Variants in USP49 observed in about 807,000 individuals in gnomAD.
USP49 encodes ubiquitin specific peptidase 49.
A neutral mutation model predicts 58.6 loss-of-function variants in USP49; 24 were observed. The observed-to-expected ratio is 0.41, with a 90% CI of 0.30 to 0.58. The LOEUF (loss-of-function observed/expected upper bound fraction) is 0.58, where lower values mean the gene tolerates loss of function less well. Ranked by LOEUF, USP49 falls within the 20% of genes least tolerant of loss-of-function variation. The pLI is 0.30. For synonymous variants in USP49, 408 were observed against 365.1 expected, an observed-to-expected ratio of 1.12 and a Z score of -1.34; for missense variants, 703 against 866.1, an observed-to-expected ratio of 0.81 and a Z score of 2.36.
intron 3 of USP49, among the ~76,000 whole-genome samples, chr6:41,844,651 T>C (rs1773889916): frequency 6.6e-6 from 1 of 152,148 alleles, no homozygotes; most frequent in Non-Finnish European, 1.5e-5. Context: ...AGACTTGCGT[T>C]ATCCATCATG....
Position 41,798,727 on chromosome 6 carries a change from C to T in USP49, c.1873G>A (p.Gly625Arg). The T allele has an allele frequency of 6.2e-7, 1 of 1,614,056 alleles. No homozygotes were observed. Among genetic ancestry groups the T allele is most frequent in the Non-Finnish European group, 8.5e-7 (1 of 1,180,014 alleles). Residue 625 changes from glycine to arginine, a missense_variant, in exon 7 of 8, where the codon GGA becomes AGA. This residue lies in a region of USP49 where 158 missense variants were observed against 241.2 expected (regional missense o/e 0.66). Transcript: ENST00000682992. ...CCACAGAGTAAAGCGCACGCACCTC[C>T]CTCTGTGTTGTAGCAATAGGCTGTG... Reference protein sequence around the residue: ...HYTAYCYNTEGGFWVHCNDSK... With the variant: ...HYTAYCYNTERGFWVHCNDSK...
At chr6:41,835,039 T>A (rs1773701958) in intron 3 of USP49, among the ~76,000 whole-genome samples, 2 of 152,176 alleles carry the variant, frequency 1.3e-5, no homozygotes, top group African/African-American at 2.4e-5. Context: ...CTTAAGGAGA[T>A]GAATCACTCT....
chr6:41,865,727 C>T (rs1372573284), intron 3 of USP49, among the ~76,000 whole-genome samples: 3 of 151,530 alleles, frequency 2.0e-5, no homozygotes, highest in African/African-American at 7.3e-5. Context: ...TAACCTCGAA[C>T]TCCTGAGCTC....
intron 3 of USP49, among the ~76,000 whole-genome samples, chr6:41,853,496 G>A (rs1313437933): frequency 6.6e-6 from 1 of 152,136 alleles, no homozygotes; most frequent in African/African-American, 2.4e-5. Context: ...CTAGTGAACT[G>A]TACTCTTGAA....
intron 3 of USP49, among the ~76,000 whole-genome samples, chr6:41,814,374 A>G (rs1460308645): frequency 6.6e-6 from 1 of 152,220 alleles, no homozygotes; most frequent in Non-Finnish European, 1.5e-5. Context: ...AAAGATAATT[A>G]AATCTTTTCA....
rs1772888661 is a variant in USP49, at chr6:41,796,460, C to G, written c.*73G>C. 1 of 674,808 alleles carries G rather than the reference C, an allele frequency of 1.5e-6. No individual in the cohort carries two copies. Among genetic ancestry groups the G allele is most frequent in the Non-Finnish European group, 2.7e-6 (1 of 363,892 alleles). The allele number at this position is 674,808 out of a possible 1,614,324, so 41.8% of individuals were successfully genotyped here. On this transcript the variant is annotated 3_prime_UTR_variant, in exon 8 of 8. Coordinates refer to ENST00000682992, the MANE Select transcript of USP49 (RefSeq NM_001286554.2). Reference sequence around the variant, plus strand: ...ACCTAGTAATCTGTTCCTGCAGTAGCCTTATTTCCTATAAGAGGAAAGATG... The same window carrying G: ...ACCTAGTAATCTGTTCCTGCAGTAGGCTTATTTCCTATAAGAGGAAAGATG...
At chr6:41,877,607 G>T in intron 2 of USP49, among the ~76,000 whole-genome samples, 1 of 150,460 alleles carries the variant, frequency 6.6e-6, no homozygotes, top group Non-Finnish European at 1.5e-5. Context: ...CTGTTGCCCA[G>T]GCTAGAGGGT....
At chr6:41,875,971 C>A (rs192641926) in intron 2 of USP49, among the ~76,000 whole-genome samples, 5 of 152,230 alleles carry the variant, frequency 3.3e-5, no homozygotes, top group African/African-American at 9.6e-5. Flanking sequence ...ACCTTGTGAT[C>A]CACCTGCCTC....
intron 3 of USP49, among the ~76,000 whole-genome samples, chr6:41,812,513 G>A (rs1190427749): frequency 6.6e-6 from 1 of 151,678 alleles, no homozygotes; most frequent in Non-Finnish European, 1.5e-5. Context: ...ATAACACGGT[G>A]AAACCCCGTC....
intron 3 of USP49, among the ~76,000 whole-genome samples, chr6:41,846,897 A>G (rs532765296): frequency 1.2e-4 from 19 of 152,334 alleles, no homozygotes; most frequent in Admixed American, 1.2e-3. Flanking sequence ...TACTGACTGG[A>G]CAGGTTCCAG....
chr6:41,859,944 G>A (rs1197115195), intron 3 of USP49, among the ~76,000 whole-genome samples: 1 of 152,128 alleles, frequency 6.6e-6, no homozygotes, highest in Non-Finnish European at 1.5e-5. Flanking sequence ...GTATATCCTA[G>A]AATACTTAAT....
At chr6:41,817,455 T>C (rs1483034707) in intron 3 of USP49, among the ~76,000 whole-genome samples, 1 of 103,902 alleles carries the variant, frequency 9.6e-6, no homozygotes, top group Admixed American at 1.5e-4. Flanking sequence ...CTTTCTTTCT[T>C]TCTTTTTTTT....
chr6:41,854,189 C>T (rs1199164502), intron 3 of USP49, among the ~76,000 whole-genome samples: 4 of 146,712 alleles, frequency 2.7e-5, no homozygotes, highest in East Asian at 2.0e-4. Context: ...TGGTGGTGTG[C>T]GCCTGTAGTC....
chr6:41,854,000 GAA>G (rs1314186814), intron 3 of USP49, among the ~76,000 whole-genome samples: 1 of 113,174 alleles, frequency 8.8e-6, no homozygotes. Flanking sequence ...ACTCTGTCTC[GAA>G]AAAAAAAAAA....
At chr6:41,817,168 G>GTTTTTTTTTTTTTTTTTTTTTTTTTTTT (rs1561908164) in intron 3 of USP49, among the ~76,000 whole-genome samples, 1 of 95,734 alleles carries the variant, frequency 1.0e-5, no homozygotes, top group Non-Finnish European at 2.0e-5. Flanking sequence ...TTTTTTTTTT[G>GTTTTTTTTTTTTTTTTTTTTTTTTTTTT]AGACAGAGTC....
intron 5 of USP49, among the ~76,000 whole-genome samples, chr6:41,802,546 G>A (rs567413449): frequency 6.8e-6 from 1 of 146,232 alleles, no homozygotes; most frequent in South Asian, 2.2e-4. Flanking sequence ...CCCACCTTGG[G>A]GTCTCCCAAA....
chr6:41,866,062 C>T (rs1210356719), intron 3 of USP49, among the ~76,000 whole-genome samples: 1 of 151,410 alleles, frequency 6.6e-6, no homozygotes, highest in African/African-American at 2.4e-5. Context: ...GCTGGGACTA[C>T]AGGCGCCCAC....
chr6:41,853,975 G>A (rs1413700595), intron 3 of USP49, among the ~76,000 whole-genome samples: 1 of 116,690 alleles, frequency 8.6e-6, no homozygotes, highest in Non-Finnish European at 1.7e-5. Flanking sequence ...CTCCAGCCTG[G>A]GCAACAACAG....
intron 5 of USP49, among the ~76,000 whole-genome samples, chr6:41,802,443 T>TA (rs1773025453): frequency 1.3e-5 from 1 of 78,920 alleles, no homozygotes; most frequent in Non-Finnish European, 2.3e-5. Context: ...TTTATTTATT[T>TA]ATTTATTTAT....
Sources: allele counts gnomAD v4.1 joint callset (sites outside exome capture counted in the v4.1 genomes callset), GRCh38; gene constraint gnomAD v4.1.1; regional missense constraint gnomAD v4.1.1; transcripts MANE v1.5; gene names NCBI Gene and HGNC (gene_info 2026-07-23, HGNC 2026-07-21).